The following TENM2 variants were observed in gnomAD, a reference collection of about 807,000 sequenced individuals.
TENM2 encodes the protein teneurin-2.
Under a neutral mutation model 245.2 loss-of-function variants are expected in TENM2, and 52 were observed. The ratio of observed to expected loss-of-function variants is 0.21; its 90% CI spans 0.17 to 0.27. The LOEUF is 0.27. TENM2 is among the 10% of genes least tolerant of loss of function. The pLI is 1.00. For missense variants in TENM2, 3,046 were observed against 3,666.8 expected (o/e 0.83, Z 4.37); for synonymous variants, 1,363 against 1,438.9 (o/e 0.95, Z 1.19).
intron 2 of TENM2, among the ~76,000 whole-genome samples, chr5:167,698,687 T>TG (rs915814542): frequency 1.4e-5 from 2 of 141,484 alleles, no homozygotes; most frequent in African/African-American, 5.7e-5. Flanking sequence ...TTGTTTTTTT[T>TG]TTTTTTTTTT....
In TENM2 at chr5:167,528,037, G is replaced by C. The variant is rs137945619; in HGVS notation, c.502+152564G>C. On this transcript the variant is annotated intron_variant, in intron 2 of 28. Coordinates refer to ENST00000518659, the Ensembl canonical transcript of TENM2. ...TTAATAAGGCCTTACAAGGTATTCA[G>C]TATTTTGCTTTGATAGCTGTATAAA... Among the ~76,000 whole-genome samples the C allele has an allele frequency of 3.3e-5, 5 of 152,282 alleles. No individual in the cohort carries two copies. The East Asian group carries it at 9.6e-4, about 29-fold the overall frequency.
intron 8 of TENM2, among the ~76,000 whole-genome samples, chr5:168,092,792 G>A (rs1793052062): frequency 6.6e-6 from 1 of 152,204 alleles, no homozygotes; most frequent in Non-Finnish European, 1.5e-5. Context: ...ACACGTACGT[G>A]ACAGCACACA....
intron 2 of TENM2, among the ~76,000 whole-genome samples, chr5:167,872,549 AGAAAGAAAGAAAGAAAGAAAGAAAG>A (rs199762637): frequency 0.3 from 8,148 of 27,366 alleles, 629 homozygotes; most frequent in South Asian, 0.52. Flanking sequence ...AGAAAGAAAG[AGAAAGAAAGAAAGAAAGAAAGAAAG>A]AAAGAAAGAG....
In TENM2 at chr5:167,655,704, G is replaced by A. The variant is rs183643756; in HGVS notation, c.503-220282G>A. On this transcript the variant is annotated intron_variant, in intron 2 of 28. Coordinates refer to ENST00000518659, the Ensembl canonical transcript of TENM2. ...GAAATAATATTTGGTCTTTCTGTAT[G>A]TTAATTCAACTATTTGGCTAATCAA... 2.6e-4 allele frequency among the ~76,000 whole-genome samples: 39 copies of A among 152,310 alleles called. 1 individual carries two copies. The South Asian group carries it at 3.3e-3, about 13-fold the overall frequency.
chr5:167,652,527 A>G (rs1754543960), intron 2 of TENM2, among the ~76,000 whole-genome samples: 1 of 152,050 alleles, frequency 6.6e-6, no homozygotes, highest in South Asian at 2.1e-4. Context: ...CCCTTGAATC[A>G]TCCCCCTTGA....
intron 6 of TENM2, among the ~76,000 whole-genome samples, chr5:168,049,899 T>A (rs760080214): frequency 6.6e-6 from 1 of 152,136 alleles, no homozygotes; most frequent in Admixed American, 6.5e-5. Context: ...ACCTCCCCGG[T>A]TCAAGCAATT....
chr5:167,309,616 C>A (rs558195132), intron 1 of TENM2, among the ~76,000 whole-genome samples: 62 of 152,232 alleles, frequency 4.1e-4, no homozygotes, highest in South Asian at 6.2e-4. Context: ...GCTTTAGAAC[C>A]TCAAAACCAG....
At chr5:168,014,909 T>C (rs1329170435) in intron 5 of TENM2, among the ~76,000 whole-genome samples, 1 of 152,186 alleles carries the variant, frequency 6.6e-6, no homozygotes, top group African/African-American at 2.4e-5. Flanking sequence ...GAGGCTGAAG[T>C]GCTGTTTCCA....
At chr5:168,086,425 G>T (rs1792463135) in intron 7 of TENM2, among the ~76,000 whole-genome samples, 1 of 152,194 alleles carries the variant, frequency 6.6e-6, no homozygotes, top group Non-Finnish European at 1.5e-5. Context: ...ATGACTCAAA[G>T]GCACAGCCTT....
At chr5:167,046,605 T>C in the TENM2 span, among the ~76,000 whole-genome samples, 1 of 152,274 alleles carries the variant, frequency 6.6e-6, no homozygotes. Context: ...TCAGTGTGAG[T>C]GTCTCCACTT....
chr5:167,369,333 T>C (rs1186408754), intron 1 of TENM2, among the ~76,000 whole-genome samples: 1 of 152,238 alleles, frequency 6.6e-6, no homozygotes, highest in East Asian at 1.9e-4. Flanking sequence ...CAGAACCAGA[T>C]GTCTGTCAAA....
intron 2 of TENM2, among the ~76,000 whole-genome samples, chr5:167,531,189 G>A (rs1426980709): frequency 6.6e-5 from 10 of 152,084 alleles, no homozygotes; most frequent in Admixed American, 2.0e-4. Flanking sequence ...CAGATTCTGC[G>A]GATTGTTGTT....
intron 13 of TENM2, among the ~76,000 whole-genome samples, chr5:168,183,971 C>CACCCAAAGTGATG (rs1760165301): frequency 6.6e-6 from 1 of 152,198 alleles, no homozygotes; most frequent in African/African-American, 2.4e-5. Flanking sequence ...GTATAATCAT[C>CACCCAAAGTGATG]ACTGCCCTCA....
At chr5:167,621,546 C>T (rs1272801253) in intron 2 of TENM2, among the ~76,000 whole-genome samples, 1 of 152,082 alleles carries the variant, frequency 6.6e-6, no homozygotes, top group African/African-American at 2.4e-5. Context: ...ACTTCACTGC[C>T]TGCACTATTT....
At chr5:167,133,436 A>C in the TENM2 span, among the ~76,000 whole-genome samples, 1 of 152,164 alleles carries the variant, frequency 6.6e-6, no homozygotes, top group Non-Finnish European at 1.5e-5. Flanking sequence ...TAAAGAATAG[A>C]ATAGAATAGA....
chr5:167,057,124 A>T, the TENM2 span, among the ~76,000 whole-genome samples: 3 of 152,136 alleles, frequency 2.0e-5, no homozygotes, highest in African/African-American at 7.2e-5. Flanking sequence ...CTAATGGGCC[A>T]GTTAATAGTA....
At chr5:167,543,982 T>C (rs988187780) in intron 2 of TENM2, among the ~76,000 whole-genome samples, 7 of 152,216 alleles carry the variant, frequency 4.6e-5, no homozygotes, top group Admixed American at 3.9e-4. Context: ...GCAATGAACC[T>C]ATTTCCAAAT....
At chr5:167,056,242 A>G in the TENM2 span, among the ~76,000 whole-genome samples, 2 of 151,822 alleles carry the variant, frequency 1.3e-5, no homozygotes, top group Admixed American at 6.6e-5. Context: ...CTTACAAGGC[A>G]GTTATACTGG....
At chr5:167,848,639 G>T (rs1770280264) in intron 2 of TENM2, among the ~76,000 whole-genome samples, 1 of 152,158 alleles carries the variant, frequency 6.6e-6, no homozygotes. Context: ...GACAGTCATT[G>T]CTAAAAAGCT....
Sources: allele counts gnomAD v4.1 joint callset (sites outside exome capture counted in the v4.1 genomes callset), GRCh38; gene constraint gnomAD v4.1.1; transcripts MANE v1.5; gene names NCBI Gene and HGNC (gene_info 2026-07-23, HGNC 2026-07-21).